The following SARDH variants were observed in gnomAD, a reference collection of about 807,000 sequenced individuals.
The protein encoded by SARDH is sarcosine dehydrogenase, mitochondrial.
In SARDH, 95 loss-of-function variants were observed where a neutral mutation model predicts 109.1. That is an observed-to-expected ratio of 0.87 (90% CI 0.74 to 1.03). SARDH has a LOEUF of 1.03. Ranked by LOEUF, SARDH falls within the 50% of genes least tolerant of loss-of-function variation. The pLI, the probability that SARDH is intolerant of heterozygous loss-of-function variation, is 0.00. For missense variants in SARDH, 1,267 were observed against 1,287.8 expected, an observed-to-expected ratio of 0.98 and a Z score of 0.25; for synonymous variants, 572 against 534.8, an observed-to-expected ratio of 1.07 and a Z score of -0.96.
chr9:133,708,200 T>C (rs1831769792), intron 11 of SARDH, 87 bp downstream of exon 11: 1 of 1,480,414 alleles, frequency 6.8e-7, no homozygotes, highest in Admixed American at 2.1e-5. Flanking sequence ...GCGGTTGGGG[T>C]ACACCTTGCA....
intron 13 of SARDH, among the ~76,000 whole-genome samples, chr9:133,700,129 C>T (rs1014960445): frequency 1.4e-4 from 21 of 152,246 alleles, no homozygotes; most frequent in African/African-American, 5.1e-4. Flanking sequence ...GAGTTCAAGA[C>T]CAGCCTGGTC....
chr9:133,704,470 G>A lies in SARDH; in HGVS notation c.1554+478C>T, dbSNP rs1455587518. Among the ~76,000 whole-genome samples, 4 of 152,188 alleles carry A rather than the reference G, an allele frequency of 2.6e-5. No homozygotes were observed. The highest frequency in any genetic ancestry group is 4.4e-5 in the Non-Finnish European group (3 of 68,020). On this transcript the variant is annotated intron_variant, in intron 12 of 20. Transcript: ENST00000439388. The surrounding 1 kb of genome is among the most constrained non-coding windows in gnomAD (Gnocchi z 4.5). ...GTCCCCAGAGGACGCCCAGAGTCCAGGCCACTGTGAAACCTCCACTGGGAA... is the reference window on the plus strand; with the variant it reads ...GTCCCCAGAGGACGCCCAGAGTCCAAGCCACTGTGAAACCTCCACTGGGAA...
Position 133,728,530 on chromosome 9 carries a change from C to T in SARDH, c.915+1235G>A, listed in dbSNP as rs1001148007. On this transcript the variant is annotated intron_variant, in intron 6 of 20. Transcript: ENST00000439388. The surrounding 1 kb of genome is among the most constrained non-coding windows in gnomAD (Gnocchi z 5.0). ...CACCATGCCACCCTCAAGAGCCTCA[C>T]CTAGATGCAGCTGCCTCCTCCAGGG... Among the ~76,000 whole-genome samples, 22 of 152,198 alleles carry T rather than the reference C, an allele frequency of 1.4e-4. No individual in the cohort carries two copies. Among genetic ancestry groups the T allele is most frequent in the Non-Finnish European group, 2.5e-4 (17 of 68,042 alleles).
upstream of SARDH, among the ~76,000 whole-genome samples, chr9:133,738,697 A>G (rs1321484679): frequency 1.3e-5 from 2 of 152,202 alleles, no homozygotes; most frequent in Non-Finnish European, 2.9e-5. Flanking sequence ...TGGGCAGGAA[A>G]GGTGGGGTCA....
rs1050047985 is a variant in SARDH, at chr9:133,709,973, G to A, written c.1329-1545C>T. ...TCTTGGGGGCAGCAGTGAGGTGCAC[G>A]TCGGGTGGCAGGAGCAGCGAGTGAC... On this transcript the variant is annotated intron_variant, in intron 10 of 20. Coordinates refer to ENST00000439388, the MANE Select transcript of SARDH (RefSeq NM_001134707.2). This position sits in a 1 kb window ranked among gnomAD's most constrained non-coding sequence, Gnocchi z 4.2. Among the ~76,000 whole-genome samples, 5 of 152,184 alleles carry A rather than the reference G, an allele frequency of 3.3e-5. No homozygotes were observed. The highest frequency in any genetic ancestry group is 3.9e-4 in the East Asian group (2 of 5,194).
In SARDH at chr9:133,709,369, G is replaced by T. The variant is rs567529537; in HGVS notation, c.1329-941C>A. On this transcript the variant is annotated intron_variant, in intron 10 of 20. Transcript: ENST00000439388. This position sits in a 1 kb window ranked among gnomAD's most constrained non-coding sequence, Gnocchi z 4.2. ...CGAATCCGACAGTGCGGAACTGCTG[G>T]CTGGAGTGAGACCCGGGCCCAGCTG... Among the ~76,000 whole-genome samples the T allele has an allele frequency of 3.9e-5, 6 of 152,234 alleles. No individual in the cohort carries two copies. Among genetic ancestry groups the T allele is most frequent in the African/African-American group, 1.4e-4 (6 of 41,554 alleles).
At chr9:133,661,214 G>A (rs934253435), downstream of SARDH, among the ~76,000 whole-genome samples, 4 of 151,950 alleles carry the variant, frequency 2.6e-5, no homozygotes, top group South Asian at 6.2e-4. Context: ...GGTGGTGCGC[G>A]TTTGTAATCC....
At chr9:133,676,860 C>T (rs560072455) in intron 17 of SARDH, among the ~76,000 whole-genome samples, 7 of 152,160 alleles carry the variant, frequency 4.6e-5, no homozygotes, top group Non-Finnish European at 5.9e-5. Flanking sequence ...AGAAAGAGTC[C>T]GGGCGCAGTG....
chr9:133,690,654 G>A, intron 15 of SARDH, 127 bp from the exon 16 acceptor site: 2 of 1,077,178 alleles, frequency 1.9e-6, no homozygotes, highest in Non-Finnish European at 2.7e-6. Context: ...CCTTCACAGT[G>A]CCCAGGAACC....
Position 133,699,975 on chromosome 9 carries a change from G to A in SARDH, c.1668+2941C>T, listed in dbSNP as rs150324607. Among the ~76,000 whole-genome samples, 1,274 of 152,264 alleles carry A rather than the reference G, an allele frequency of 8.4e-3. 12 individuals are homozygous for A. Among genetic ancestry groups the A allele is most frequent in the African/African-American group, 0.028 (1,148 of 41,552 alleles). On this transcript the variant is annotated intron_variant, in intron 13 of 20. Coordinates refer to ENST00000439388, the MANE Select transcript of SARDH (RefSeq NM_001134707.2). ...GAAAACAATTCCAATGTCCACCAAC[G>A]GATCAATGGATGAGTAAAATATGAT...
At chr9:133,727,759 G>A (rs754739368) in intron 6 of SARDH, among the ~76,000 whole-genome samples, 64 of 152,210 alleles carry the variant, frequency 4.2e-4, no homozygotes, top group Non-Finnish European at 1.8e-4. Flanking sequence ...GACTGGCTTT[G>A]TAAGTAACAC....
chr9:133,686,627 C>A lies in SARDH; in HGVS notation c.2070-1341G>T, dbSNP rs1231470527. On this transcript the variant is annotated intron_variant, in intron 16 of 20. Coordinates refer to ENST00000439388, the MANE Select transcript of SARDH (RefSeq NM_001134707.2). The surrounding 1 kb of genome is among the most constrained non-coding windows in gnomAD (Gnocchi z 4.0). ...AGTAAATAGAACTGACTGTGAACAC[C>A]CTGGCTTGGCACAGCAGGGTGAGGC... Among the ~76,000 whole-genome samples, 1 of 152,068 alleles carries A rather than the reference C, an allele frequency of 6.6e-6. No individual in the cohort carries two copies. Among genetic ancestry groups the A allele is most frequent in the Admixed American group, 6.5e-5 (1 of 15,272 alleles).
At chr9:133,677,873 T>A (rs966016949) in intron 17 of SARDH, among the ~76,000 whole-genome samples, 2 of 152,184 alleles carry the variant, frequency 1.3e-5, no homozygotes, top group African/African-American at 4.8e-5. Context: ...GACTATAGGT[T>A]GTGATGAGAG....
intron 15 of SARDH, among the ~76,000 whole-genome samples, chr9:133,691,542 G>C (rs1284704240): frequency 6.6e-6 from 1 of 152,158 alleles, no homozygotes; most frequent in Non-Finnish European, 1.5e-5. Flanking sequence ...AGCTGATTTT[G>C]TGCTTTTCAG....
At chr9:133,696,168 T>C (rs1199110753) in intron 14 of SARDH, 55 bp downstream of exon 14, 3 of 1,603,074 alleles carry the variant, frequency 1.9e-6, no homozygotes, top group East Asian at 4.5e-5. Context: ...TCTCAGTGCC[T>C]GAGGCTGTGC....
chr9:133,681,969 C>T (rs1482411492), intron 17 of SARDH, among the ~76,000 whole-genome samples: 1 of 152,112 alleles, frequency 6.6e-6, no homozygotes, highest in South Asian at 2.1e-4. Context: ...TTCTCTCCCA[C>T]TCCGCCTGAG....
chr9:133,663,047 A>G (rs1043398126), downstream of SARDH, among the ~76,000 whole-genome samples: 5 of 152,180 alleles, frequency 3.3e-5, no homozygotes, highest in Admixed American at 6.5e-5. Context: ...AGGGCCAGAC[A>G]AGGAGGAGGG....
Position 133,676,813 on chromosome 9 carries a change from C to T in SARDH, c.2164-5116G>A, listed in dbSNP as rs537527917. Among the ~76,000 whole-genome samples the T allele has an allele frequency of 2.0e-5, 3 of 152,356 alleles. No homozygotes were observed. In the South Asian group the frequency reaches 6.2e-4, roughly 32 times the overall value. On this transcript the variant is annotated intron_variant, in intron 17 of 20. Coordinates refer to ENST00000439388, the MANE Select transcript of SARDH (RefSeq NM_001134707.2). ...TGCAGAAAGCACAGTGGGTACCAAA[C>T]AGGATAAATACCAGTGAATCCCTGC...
At chr9:133,685,128 C>T (rs1830837861) in intron 17 of SARDH, 65 bp downstream of exon 17, 4 of 1,421,980 alleles carry the variant, frequency 2.8e-6, no homozygotes, top group Admixed American at 3.8e-5. Flanking sequence ...CCCCAGATCC[C>T]CCGGCGCACC....
Sources: gnomAD v4.1 joint callset for allele counts (sites outside exome capture counted in the v4.1 genomes callset) on GRCh38, gnomAD v4.1.1 for gene constraint, Gnocchi (gnomAD v3.1) non-coding constraint, MANE v1.5 for transcripts, NCBI Gene and HGNC (gene_info 2026-07-23, HGNC 2026-07-21) for gene names.